ALPK1: variants seen among roughly 807,000 people sequenced by gnomAD.
ALPK1 encodes the protein alpha kinase 1.
Under a neutral mutation model 120.6 loss-of-function variants are expected in ALPK1, and 110 were observed. The ratio of observed to expected loss-of-function variants is 0.91; its 90% CI spans 0.78 to 1.07. The LOEUF (loss-of-function observed/expected upper bound fraction) is 1.07. Among genes scored for constraint, ALPK1 ranks in the 50% least tolerant of loss-of-function variants. The pLI is 0.00. For missense variants in ALPK1, 1,498 were observed against 1,483.9 expected, an observed-to-expected ratio of 1.01 and a Z score of -0.16; for synonymous variants, 582 against 560.3, an observed-to-expected ratio of 1.04 and a Z score of -0.55.
intron 2 of ALPK1, among the ~76,000 whole-genome samples, chr4:112,348,017 G>C (rs779259282): frequency 6.6e-6 from 1 of 152,182 alleles, no homozygotes; most frequent in African/African-American, 2.4e-5. Context: ...AGGAGAAAAT[G>C]AGAGTTCTTC....
intron 4 of ALPK1, among the ~76,000 whole-genome samples, chr4:112,401,415 C>T (rs916386671): frequency 1.3e-5 from 2 of 152,208 alleles, no homozygotes; most frequent in South Asian, 2.1e-4. Context: ...GAGATAAAGA[C>T]CAGAGAATGC....
At chr4:112,339,886 C>A (rs1364893260) in intron 2 of ALPK1, among the ~76,000 whole-genome samples, 6 of 152,206 alleles carry the variant, frequency 3.9e-5, no homozygotes, top group Non-Finnish European at 8.8e-5. Context: ...AATCAAAGGA[C>A]CAAAAATACT....
At chr4:112,324,929 GATTA>G (rs1418765684) in intron 2 of ALPK1, among the ~76,000 whole-genome samples, 8 of 130,700 alleles carry the variant, frequency 6.1e-5, no homozygotes, top group South Asian at 2.7e-4. Context: ...GAAGCAAATT[GATTA>G]ATTAATGAGA....
chr4:112,434,361 C>T (rs1329061073), intron 11 of ALPK1, among the ~76,000 whole-genome samples: 1 of 152,218 alleles, frequency 6.6e-6, no homozygotes, highest in Admixed American at 6.5e-5. Context: ...ATCCCCTGCC[C>T]AGAACTGTCA....
At chr4:112,345,089 C>A (rs573184603) in intron 2 of ALPK1, among the ~76,000 whole-genome samples, 2 of 152,230 alleles carry the variant, frequency 1.3e-5, no homozygotes, top group East Asian at 1.9e-4. Context: ...GTGTTGGTTT[C>A]GGTAAAAGTA....
intron 4 of ALPK1, among the ~76,000 whole-genome samples, chr4:112,408,510 G>T (rs2148746932): frequency 6.8e-6 from 1 of 146,662 alleles, no homozygotes. Flanking sequence ...TTGCTCTGTT[G>T]CCCAGGCTAG....
At chr4:112,405,681 T>C (rs1372871132) in intron 4 of ALPK1, among the ~76,000 whole-genome samples, 1 of 152,118 alleles carries the variant, frequency 6.6e-6, no homozygotes. Context: ...ATTCAAGTGA[T>C]TCTCCTGCCT....
intron 2 of ALPK1, among the ~76,000 whole-genome samples, chr4:112,322,869 C>T (rs1363880663): frequency 6.6e-6 from 1 of 152,142 alleles, no homozygotes; most frequent in African/African-American, 2.4e-5. Context: ...ATGGAAATAA[C>T]ATTACTAAAG....
Position 112,426,464 on chromosome 4 carries a change from C to G in ALPK1, c.623-3C>G. 2.6e-6 allele frequency: 4 copies of G among 1,528,092 alleles called. No homozygotes were observed. Among genetic ancestry groups the G allele is most frequent in the Non-Finnish European group, 8.8e-7 (1 of 1,131,768 alleles). The allele number at this position is 1,528,092 out of a possible 1,614,324, so 94.7% of individuals were successfully genotyped here. On this transcript the variant is annotated splice_polypyrimidine_tract_variant and splice_region_variant and intron_variant, in intron 7 of 15. Transcript: ENST00000650871. ...CTCTCCCCGCCCCTCTTTTTTTTTT[C>G]AGGGATGTGGTACGAAGCAGCAGAG...
chr4:112,359,191 C>G, intron 2 of ALPK1: 1 of 609,284 alleles, frequency 1.6e-6, no homozygotes, highest in Non-Finnish European at 3.0e-6. Flanking sequence ...AGGCCACCCC[C>G]CACAGGAGAC....
At chr4:112,299,223 G>C (rs1349093618) in intron 1 of ALPK1, among the ~76,000 whole-genome samples, 1 of 152,002 alleles carries the variant, frequency 6.6e-6, no homozygotes, top group Non-Finnish European at 1.5e-5. Flanking sequence ...AAACTTAAAA[G>C]AAAGAATATT....
rs183235613 is a variant in ALPK1, at chr4:112,301,906, C to T, written c.-153+4437C>T. ...TCGACTTACAGATGCATTTTCACCC[C>T]ATATCCTCCCATCATCCAATTACAG... On this transcript the variant is annotated intron_variant, in intron 1 of 15. Transcript: ENST00000650871. 1.1e-4 allele frequency among the ~76,000 whole-genome samples: 16 copies of T among 152,220 alleles called. No homozygotes were observed. In the East Asian group the frequency reaches 2.9e-3, roughly 28 times the overall value.
intron 1 of ALPK1, among the ~76,000 whole-genome samples, chr4:112,307,846 T>A (rs974271372): frequency 2.6e-5 from 4 of 152,138 alleles, no homozygotes; most frequent in Admixed American, 6.5e-5. Flanking sequence ...CTAGCATTGA[T>A]GGTCTTTACA....
chr4:112,324,258 C>T (rs962482707), intron 2 of ALPK1, among the ~76,000 whole-genome samples: 6 of 149,002 alleles, frequency 4.0e-5, no homozygotes, highest in East Asian at 2.0e-4. Context: ...ACCTGGGAGG[C>T]GGAGCTTGCA....
chr4:112,385,282 A>G (rs1732104125), intron 4 of ALPK1, among the ~76,000 whole-genome samples: 1 of 152,226 alleles, frequency 6.6e-6, no homozygotes, highest in South Asian at 2.1e-4. Flanking sequence ...GGAGTAGACT[A>G]TTTTAAGAGC....
intron 13 of ALPK1, 23 bp downstream of exon 13, chr4:112,438,669 A>G: frequency 6.2e-7 from 1 of 1,604,308 alleles, no homozygotes; most frequent in South Asian, 1.1e-5. Context: ...TGAACACATC[A>G]TTTGGATCTT....
intron 6 of ALPK1, chr4:112,425,333 A>G (rs544719330): frequency 1.8e-4 from 33 of 186,286 alleles, no homozygotes; most frequent in African/African-American, 6.1e-4. Flanking sequence ...AAGGAGAAGG[A>G]TCTGGTTTCT....
intron 2 of ALPK1, among the ~76,000 whole-genome samples, chr4:112,352,076 C>G (rs761849264): frequency 1.3e-5 from 2 of 152,206 alleles, no homozygotes; most frequent in Non-Finnish European, 2.9e-5. Context: ...TACCACCTCT[C>G]AATGGAGTCC....
intron 5 of ALPK1, chr4:112,412,295 AC>A (rs1733518133): frequency 8.3e-6 from 5 of 603,410 alleles, no homozygotes; most frequent in South Asian, 1.5e-5. Context: ...TTGTCTTCTA[AC>A]AAATCTGTCC....
Sources: allele counts gnomAD v4.1 joint callset (sites outside exome capture counted in the v4.1 genomes callset), GRCh38; gene constraint gnomAD v4.1.1; transcripts MANE v1.5; gene names NCBI Gene and HGNC (gene_info 2026-07-23, HGNC 2026-07-21).